PPM1J: variants seen among roughly 807,000 people sequenced by gnomAD.
PPM1J encodes the protein protein phosphatase 1J.
In PPM1J, 43 loss-of-function variants were observed where a neutral mutation model predicts 53.3. The ratio of observed to expected loss-of-function variants is 0.81; its 90% CI spans 0.63 to 1.04. The LOEUF is 1.04. Ranked by LOEUF, PPM1J falls within the 50% of genes least tolerant of loss-of-function variation. The pLI is 0.00. For missense variants in PPM1J, 635 were observed against 685.9 expected (o/e 0.93, Z 0.83); for synonymous variants, 267 against 286.4 (o/e 0.93, Z 0.68).
intron 1 of PPM1J, chr1:112,713,998 A>G (rs1675135186): frequency 1.8e-6 from 2 of 1,086,514 alleles, no homozygotes; most frequent in East Asian, 6.1e-5. Flanking sequence ...CCCACCCTCA[A>G]CCACTATCAA....
At chr1:112,711,828 C>T in intron 5 of PPM1J, 143 bp downstream of exon 5, 1 of 615,540 alleles carries the variant, frequency 1.6e-6, no homozygotes, top group Non-Finnish European at 2.8e-6. Flanking sequence ...CTCAGCCCCG[C>T]ACTCCATAGT....
chr1:112,710,428 A>C (rs748031483), intron 9 of PPM1J, 32 bp downstream of exon 9: 2 of 1,612,384 alleles, frequency 1.2e-6, no homozygotes, highest in Non-Finnish European at 1.7e-6. Flanking sequence ...CACCAATGCC[A>C]TCCCCTTACC....
Position 112,714,084 on chromosome 1 carries a change from G to GCC in PPM1J, c.327-474_327-473insGG, listed in dbSNP as rs1288196303. 3 of 1,011,750 alleles carry GCC rather than the reference G, an allele frequency of 3.0e-6. No individual in the cohort carries two copies. The African/African-American group carries it at 5.1e-5, about 17-fold the overall frequency. The allele number at this position is 1,011,750 out of a possible 1,614,324, so 62.7% of individuals were successfully genotyped here. ...CTTATCCTAAAACCATCCAGCGAAAGTTTCTGCTGCCTTAACAATGAGGAA... is the reference window on the plus strand; with the variant it reads ...CTTATCCTAAAACCATCCAGCGAAAGCCTTTCTGCTGCCTTAACAATGAGGAA... On this transcript the variant is annotated intron_variant, in intron 1 of 9. Transcript: ENST00000309276.
chr1:112,710,513 T>TACCTCAC lies in PPM1J; in HGVS notation c.1310_1316dup (p.Ala440Ter). The TACCTCAC allele has an allele frequency of 1.2e-6, 2 of 1,614,206 alleles. No homozygotes were observed. The highest frequency in any genetic ancestry group is 1.7e-6 in the Non-Finnish European group (2 of 1,180,036). On this transcript the variant is annotated stop_gained and frameshift_variant, in exon 9 of 10. Transcript: ENST00000309276. LOFTEE classifies it high-confidence loss of function. ...ACAGCACCCTGTCCACAGTGGCAGC[T>TACCTCAC]ACCTCACAGTCAGTAGTGACATCCC...
intron 8 of PPM1J, 21 bp from the exon 9 acceptor site, chr1:112,710,632 A>G: frequency 6.2e-7 from 1 of 1,614,052 alleles, no homozygotes; most frequent in South Asian, 1.1e-5. Flanking sequence ...AAAAGGGCAG[A>G]GAGGATTGAG....
chr1:112,713,734 G>C, intron 1 of PPM1J, 123 bp from the exon 2 acceptor site: 1 of 821,110 alleles, frequency 1.2e-6, no homozygotes, highest in Non-Finnish European at 2.0e-6. Context: ...CAGCCACCTG[G>C]GATCCAGGCC....
At chr1:112,714,760 C>A (rs1398617259) in intron 1 of PPM1J, 49 of 1,253,072 alleles carry the variant, frequency 3.9e-5, no homozygotes, top group Non-Finnish European at 4.5e-5. Context: ...AGTCAATGAG[C>A]GGGAAGGACG....
intron 6 of PPM1J, 25 bp downstream of exon 6, chr1:112,711,241 G>A (rs1675050524): frequency 1.3e-6 from 2 of 1,565,260 alleles, no homozygotes; most frequent in East Asian, 2.2e-5. Flanking sequence ...ATGGGAACGG[G>A]CCCCAGCTCT....
Position 112,714,971 on chromosome 1 carries a change from C to T in PPM1J, c.326+5G>A, listed in dbSNP as rs1274964774. ...CCTGGTTTGGGTGCCCCAGGGGGCGCTCACTCGGCGTAGCCTGTGCTCCAG... is the reference window on the plus strand; with the variant it reads ...CCTGGTTTGGGTGCCCCAGGGGGCGTTCACTCGGCGTAGCCTGTGCTCCAG... On this transcript the variant is annotated splice_donor_5th_base_variant and intron_variant, in intron 1 of 9. Coordinates refer to ENST00000309276, the MANE Select transcript of PPM1J (RefSeq NM_005167.7). 1.4e-6 allele frequency: 2 copies of T among 1,394,828 alleles called. No homozygotes were observed. The highest frequency in any genetic ancestry group is 6.7e-5 in the Admixed American group (2 of 29,720). The allele number at this position is 1,394,828 out of a possible 1,614,324, so 86.4% of individuals were successfully genotyped here. A position where few individuals can be genotyped will look rare whatever the true frequency, so the allele number is the denominator to read the frequency against.
chr1:112,714,724 G>C (rs1675155264), intron 1 of PPM1J: 2 of 1,247,086 alleles, frequency 1.6e-6, no homozygotes, highest in Non-Finnish European at 2.0e-6. Context: ...GGCAGAACAG[G>C]GTCCTGAGGC....
chr1:112,710,981 C>G (rs1675042316), intron 7 of PPM1J, 27 bp downstream of exon 7: 6 of 1,608,648 alleles, frequency 3.7e-6, no homozygotes, highest in Non-Finnish European at 5.1e-6. Flanking sequence ...TCCTCCTCCC[C>G]TCTCCCACCT....
intron 1 of PPM1J, 137 bp from the exon 2 acceptor site, chr1:112,713,748 G>T: frequency 1.3e-6 from 1 of 755,940 alleles, no homozygotes; most frequent in South Asian, 1.6e-5. Context: ...CCAGGCCAGA[G>T]GGAGGAGGAG....
In PPM1J at chr1:112,710,214, A is replaced by G. The variant is rs182057306; in HGVS notation, c.1467T>C (p.Asp489=). 16 of 1,584,094 alleles carry G rather than the reference A, an allele frequency of 1.0e-5. No homozygotes were observed. The highest frequency in any genetic ancestry group is 1.3e-5 in the Non-Finnish European group (15 of 1,171,388). ...GGGGGATGACGAAGACAGAGATGTC[A>G]TCCCCGGAACCCAGCTTGTTGTTGG... ...RLPNNKLGSG[D]DISVFVIPLG... The change falls in exon 10 of 10, where the codon GAT becomes GAC. Residue 489 remains aspartate (D), a synonymous_variant. Coordinates refer to ENST00000309276, the MANE Select transcript of PPM1J (RefSeq NM_005167.7).
Position 112,710,804 on chromosome 1 carries a change from G to T in PPM1J, c.1158C>A (p.His386Gln). Reference protein sequence around the residue: ...TIGVTRGLGDHSLKVCSSTLP... With the variant: ...TIGVTRGLGDQSLKVCSSTLP... ...GGGTGGAACTGCAGACCTTAAGGCT[G>T]TGGTCTCCCAAGCCTCGGGTCACCC... The change falls in exon 8 of 10, where the codon CAC becomes CAA. Residue 386 changes from histidine to glutamine, a missense_variant. His to Gln is a conservative substitution (Grantham distance 24). Coordinates refer to ENST00000309276, the MANE Select transcript of PPM1J (RefSeq NM_005167.7). 1 of 1,614,012 alleles carries T rather than the reference G, an allele frequency of 6.2e-7. No homozygotes were observed. Among genetic ancestry groups the T allele is most frequent in the Non-Finnish European group, 8.5e-7 (1 of 1,179,908 alleles).
rs146968699 is a variant in PPM1J, at chr1:112,713,599, A to G, written c.339T>C (p.Ala113=). The change falls in exon 2 of 10, where the codon GCT becomes GCC. Residue 113 remains alanine, a synonymous_variant. Coordinates refer to ENST00000309276, the MANE Select transcript of PPM1J (RefSeq NM_005167.7). The part of the protein sequence containing the change: ...WSTGYAEVIN[A]GKSRHNEDQA... ...GGTCCTCATTGTGCCGACTCTTGCC[A>G]GCATTGATGACCCTGCCAGGCCAGA... 1.1e-4 allele frequency: 176 copies of G among 1,613,862 alleles called. No individual in the cohort carries two copies. Among genetic ancestry groups the G allele is most frequent in the Non-Finnish European group, 1.5e-4 (172 of 1,179,870 alleles).
intron 3 of PPM1J, 51 bp downstream of exon 3, chr1:112,712,693 G>C (rs1230344722): frequency 1.3e-6 from 2 of 1,550,610 alleles, no homozygotes; most frequent in African/African-American, 1.4e-5. Flanking sequence ...TCCACACAGA[G>C]TTGGCCAGAG....
chr1:112,713,800 C>T (rs1411289323), intron 1 of PPM1J, among the ~76,000 whole-genome samples, 189 bp from the exon 2 acceptor site: 2 of 152,070 alleles, frequency 1.3e-5, no homozygotes, highest in Admixed American at 1.3e-4. Flanking sequence ...GTTTGGGTGG[C>T]CAGCCCTACC....
chr1:112,714,267 A>G, intron 1 of PPM1J: 2 of 985,744 alleles, frequency 2.0e-6, no homozygotes, highest in Non-Finnish European at 2.4e-6. Flanking sequence ...TCCTCAGCGA[A>G]CTGAGCGCCC....
intron 1 of PPM1J, chr1:112,713,992 C>A (rs2101484604): frequency 9.1e-7 from 1 of 1,092,936 alleles, no homozygotes; most frequent in East Asian, 5.8e-5. Context: ...CTACATCCCA[C>A]CCTCAACCAC....
Sources: gnomAD v4.1 joint callset for allele counts (sites outside exome capture counted in the v4.1 genomes callset) on GRCh38, gnomAD v4.1.1 for gene constraint, MANE v1.5 for transcripts, NCBI Gene and HGNC (gene_info 2026-07-23, HGNC 2026-07-21) for gene names.